The following FLT3 variants were observed in gnomAD, a reference collection of about 807,000 sequenced individuals.
FLT3 encodes fms related receptor tyrosine kinase 3.
FLT3 carries 46 observed loss-of-function variants against 126.6 expected under a neutral mutation model. The observed-to-expected ratio is 0.36, with a 90% CI of 0.29 to 0.46. The LOEUF (loss-of-function observed/expected upper bound fraction) is 0.46, where lower values mean the gene tolerates loss of function less well. FLT3 is among the 20% of genes least tolerant of loss of function. The pLI is 1.00. For synonymous variants in FLT3, 404 were observed against 434.4 expected (o/e 0.93, Z 0.87); for missense variants, 1,069 against 1,190.3 (o/e 0.90, Z 1.50).
chr13:28,046,152 A>G (rs1359354885), intron 9 of FLT3, among the ~76,000 whole-genome samples: 1 of 152,028 alleles, frequency 6.6e-6, no homozygotes, highest in Admixed American at 6.6e-5. Flanking sequence ...ACAAACCCTG[A>G]GTTTGGGGGA....
intron 19 of FLT3, among the ~76,000 whole-genome samples, chr13:28,019,092 C>T (rs1180105214): frequency 6.6e-6 from 1 of 151,976 alleles, no homozygotes; most frequent in East Asian, 1.9e-4. Context: ...CTCAGCCTCC[C>T]GAGTTGCTGG....
chr13:28,065,874 C>T (rs1403697971), intron 2 of FLT3, among the ~76,000 whole-genome samples: 1 of 151,610 alleles, frequency 6.6e-6, no homozygotes, highest in Non-Finnish European at 1.5e-5. Flanking sequence ...TGGTGGCTCA[C>T]ACCTGTAATC....
At chr13:28,065,831 G>GTAATAATAATAATAATAA (rs59880929) in intron 2 of FLT3, among the ~76,000 whole-genome samples, 75 of 126,864 alleles carry the variant, frequency 5.9e-4, no homozygotes, top group African/African-American at 2.2e-3. Flanking sequence ...TTGTCTCAAA[G>GTAATAATAATAATAATAA]TAATAATAAT....
At chr13:28,055,827 C>T (rs1044349022) in intron 4 of FLT3, among the ~76,000 whole-genome samples, 1 of 152,036 alleles carries the variant, frequency 6.6e-6, no homozygotes, top group Non-Finnish European at 1.5e-5. Context: ...AAGTAGAGAA[C>T]AAGAAACGTC....
chr13:28,062,445 C>T lies in FLT3; in HGVS notation c.166-376G>A, dbSNP rs186048054. On this transcript the variant is annotated intron_variant, in intron 2 of 23. Coordinates refer to ENST00000241453, the MANE Select transcript of FLT3 (RefSeq NM_004119.3). ...GGCCTAAATCCAGTATGACTCGTGT[C>T]CTTATAAGAAGAGGAGGCAGGGCAC... Among the ~76,000 whole-genome samples the T allele has an allele frequency of 3.7e-3, 564 of 151,938 alleles. 2 individuals are homozygous for T. Among genetic ancestry groups the T allele is most frequent in the Middle Eastern group, 6.8e-3 (2 of 294 alleles).
chr13:28,035,536 G>T lies in FLT3; in HGVS notation c.1556C>A (p.Ser519Tyr), dbSNP rs535356131. The T allele has an allele frequency of 5.6e-6, 9 of 1,614,128 alleles. No homozygotes were observed. The highest frequency in any genetic ancestry group is 7.6e-6 in the Non-Finnish European group (9 of 1,180,014). ...GATCGTCTCACAAGATGTGCCAAGG[G>T]AATTGTATGCACAGCACTTGACCAG... Reference protein sequence around the residue: ...GFLVKCCAYNSLGTSCETILL... With the variant: ...GFLVKCCAYNYLGTSCETILL... Residue 519 changes from serine to tyrosine, a missense_variant, in exon 12 of 24, where the codon TCC (serine) becomes TAC (tyrosine). Ser to Tyr is a moderately radical substitution (Grantham distance 144, BLOSUM62 -2). Coordinates refer to ENST00000241453, the MANE Select transcript of FLT3 (RefSeq NM_004119.3).
intron 1 of FLT3, among the ~76,000 whole-genome samples, chr13:28,071,398 G>A (rs945894891): frequency 2.0e-5 from 3 of 151,982 alleles, no homozygotes; most frequent in Admixed American, 1.3e-4. Context: ...GTGCCTTCCT[G>A]AGAGTCTATT....
intron 1 of FLT3, among the ~76,000 whole-genome samples, chr13:28,080,638 C>T (rs1352382012): frequency 6.6e-6 from 1 of 152,078 alleles, no homozygotes; most frequent in Non-Finnish European, 1.5e-5. Context: ...TTTAGAGGAT[C>T]AGAAATTTTT....
At chr13:28,098,010 A>G (rs1879575308) in intron 1 of FLT3, among the ~76,000 whole-genome samples, 1 of 152,152 alleles carries the variant, frequency 6.6e-6, no homozygotes, top group Admixed American at 6.5e-5. Flanking sequence ...TTATTCATAA[A>G]TGATGAATAG....
At chr13:28,098,758 C>G (rs1879636167) in intron 1 of FLT3, among the ~76,000 whole-genome samples, 1 of 150,712 alleles carries the variant, frequency 6.6e-6, no homozygotes, top group Admixed American at 6.6e-5. Context: ...AAGATCTATT[C>G]ATACCACGGA....
At chr13:28,021,649 T>C (rs925559521) in intron 19 of FLT3, among the ~76,000 whole-genome samples, 1 of 152,172 alleles carries the variant, frequency 6.6e-6, no homozygotes, top group Non-Finnish European at 1.5e-5. Flanking sequence ...GCTATAGTCA[T>C]AGCTCATTGC....
intron 1 of FLT3, among the ~76,000 whole-genome samples, chr13:28,091,436 T>C (rs1227893462): frequency 6.6e-6 from 1 of 150,392 alleles, no homozygotes; most frequent in Non-Finnish European, 1.5e-5. Context: ...TTAGCCAGGA[T>C]GGTCTCGATC....
intron 5 of FLT3, among the ~76,000 whole-genome samples, chr13:28,052,026 A>T (rs1875537090): frequency 6.6e-6 from 1 of 151,818 alleles, no homozygotes; most frequent in African/African-American, 2.4e-5. Context: ...TTACCAAAAA[A>T]ATCCTTGTCC....
intron 2 of FLT3, among the ~76,000 whole-genome samples, chr13:28,068,531 C>CAT (rs201278451): frequency 0.027 from 4,098 of 150,348 alleles, 77 homozygotes; most frequent in Middle Eastern, 0.063. Flanking sequence ...TGATATATAT[C>CAT]ATATATATAT....
chr13:28,013,698 G>A (rs1871587609), intron 23 of FLT3, among the ~76,000 whole-genome samples: 1 of 152,140 alleles, frequency 6.6e-6, no homozygotes, highest in African/African-American at 2.4e-5. Context: ...TGCTATAATG[G>A]ACACAATTGG....
At position 28,018,574 on chromosome 13, in the gene FLT3, G is replaced by A. The variant is rs1330989461; in HGVS notation, c.2434C>T (p.Leu812=). The change falls in exon 20 of 24, where the codon CTG becomes TTG. Residue 812 remains leucine (L), a synonymous_variant. Transcript: ENST00000241453. ...GTGACAAGCACGTTCCTGGCGGCCA[G>A]GTCTCTGTGAACACACTGTCAAGAA... is the stretch of plus-strand genomic sequence containing the variant. The part of the protein sequence containing the change: ...LEFKSCVHRD[L]AARNVLVTHG... 1 of 1,613,996 alleles carries A rather than the reference G, an allele frequency of 6.2e-7. No homozygotes were observed. Among genetic ancestry groups the A allele is most frequent in the African/African-American group, 1.3e-5 (1 of 74,914 alleles).
intron 1 of FLT3, among the ~76,000 whole-genome samples, chr13:28,099,369 CTTTG>C (rs2137841808): frequency 6.6e-6 from 1 of 152,268 alleles, no homozygotes; most frequent in Non-Finnish European, 1.5e-5. Context: ...ACTAAAATGT[CTTTG>C]TTTTTCAACT....
intron 9 of FLT3, among the ~76,000 whole-genome samples, chr13:28,037,763 G>A (rs1185677904): frequency 2.0e-5 from 3 of 152,168 alleles, no homozygotes; most frequent in Non-Finnish European, 4.4e-5. Flanking sequence ...TAGGAAAGGG[G>A]CCACACAGCA....
rs111404906 is a variant in FLT3, at chr13:28,035,487, T to G, written c.1597+8A>C. Reference sequence around the variant, plus strand: ...GATGGTGGAATATCACAAGAACAACTGTTGTACCTGGAGAGTTTAAAAGGA... The same window carrying G: ...GATGGTGGAATATCACAAGAACAACGGTTGTACCTGGAGAGTTTAAAAGGA... On this transcript the variant is annotated splice_region_variant and intron_variant, in intron 12 of 23. Transcript: ENST00000241453. The G allele has an allele frequency of 1.9e-6, 3 of 1,608,498 alleles. No homozygotes were observed. The highest frequency in any genetic ancestry group is 2.5e-6 in the Non-Finnish European group (3 of 1,178,130).
Sources: allele counts gnomAD v4.1 joint callset (sites outside exome capture counted in the v4.1 genomes callset), GRCh38; gene constraint gnomAD v4.1.1; transcripts MANE v1.5; gene names NCBI Gene and HGNC (gene_info 2026-07-23, HGNC 2026-07-21).